DPH6: variants seen among roughly 807,000 people sequenced by gnomAD.
DPH6 encodes the protein diphthamine biosynthesis 6.
Under a neutral mutation model 38.2 loss-of-function variants are expected in DPH6, and 33 were observed. The ratio of observed to expected loss-of-function variants is 0.86; its 90% CI spans 0.65 to 1.15. The LOEUF (loss-of-function observed/expected upper bound fraction) is 1.15, where lower values mean the gene tolerates loss of function less well. Among genes scored for constraint, DPH6 ranks in the 50% most tolerant of loss-of-function variants. DPH6 has a pLI of 0.00. For missense variants in DPH6, 325 were observed against 320.0 expected, an observed-to-expected ratio of 1.02 and a Z score of -0.12; for synonymous variants, 108 against 103.0, an observed-to-expected ratio of 1.05 and a Z score of -0.30.
In DPH6 at chr15:35,221,530, T is replaced by A. The variant is rs181207890; in HGVS notation, n.201-948A>T. On this transcript the variant is annotated intron_variant and non_coding_transcript_variant, in intron 3 of 3. Coordinates refer to the DPH6 transcript ENST00000560386. ...CTCTGTGTCTGCAGAGTTATCACCA[T>A]GTGGACCATTATGGGTCTGTATGTT... Among the ~76,000 whole-genome samples the A allele has an allele frequency of 1.5e-3, 232 of 152,304 alleles. 1 individual carries two copies. The highest frequency in any genetic ancestry group is 2.6e-3 in the Non-Finnish European group (177 of 68,016).
intron 5 of DPH6, among the ~76,000 whole-genome samples, chr15:35,445,450 A>C (rs74008094): frequency 0.07 from 10,533 of 151,012 alleles, 633 homozygotes; most frequent in African/African-American, 0.16. Context: ...CTTGAACATC[A>C]TGAATATGAA....
chr15:35,250,239 A>T (rs1274636215), intron 3 of DPH6, among the ~76,000 whole-genome samples: 2 of 151,944 alleles, frequency 1.3e-5, no homozygotes, highest in Non-Finnish European at 2.9e-5. Flanking sequence ...ATTATATAAG[A>T]TATACCCTAA....
intron 3 of DPH6, among the ~76,000 whole-genome samples, chr15:35,285,011 T>G (rs2051931074): frequency 6.6e-6 from 1 of 151,830 alleles, no homozygotes; most frequent in Non-Finnish European, 1.5e-5. Context: ...GGTCTTGCTA[T>G]GTTACGCAGG....
chr15:35,380,140 T>C (rs1264843508), intron 7 of DPH6, among the ~76,000 whole-genome samples: 2 of 152,248 alleles, frequency 1.3e-5, no homozygotes, highest in African/African-American at 2.4e-5. Context: ...TCAGTTATTG[T>C]TGATTTGCCT....
At chr15:35,379,746 A>G (rs1171306278) in intron 7 of DPH6, among the ~76,000 whole-genome samples, 1 of 152,194 alleles carries the variant, frequency 6.6e-6, no homozygotes. Context: ...AACCTAACAA[A>G]TAAATACATA....
the DPH6 span, among the ~76,000 whole-genome samples, chr15:35,149,989 C>T: frequency 2.6e-5 from 4 of 152,122 alleles, no homozygotes; most frequent in Admixed American, 2.0e-4. Context: ...TATGCGATCC[C>T]GATGCTTGTT....
chr15:35,467,344 C>CA (rs2054139687), intron 3 of DPH6, among the ~76,000 whole-genome samples: 2 of 152,160 alleles, frequency 1.3e-5, no homozygotes, highest in South Asian at 2.1e-4. Flanking sequence ...GCAGGCAGAT[C>CA]ACTTGAGGTC....
chr15:35,222,707 G>A (rs546361083), intron 3 of DPH6, among the ~76,000 whole-genome samples: 14 of 152,158 alleles, frequency 9.2e-5, no homozygotes, highest in Non-Finnish European at 1.8e-4. Context: ...ATAGGGAAGA[G>A]GAAGCAATCA....
At chr15:35,440,636 G>A (rs745514287) in intron 5 of DPH6, among the ~76,000 whole-genome samples, 1 of 152,152 alleles carries the variant, frequency 6.6e-6, no homozygotes, top group Non-Finnish European at 1.5e-5. Context: ...CTTTAGAAGG[G>A]GGAATGATAG....
Position 35,244,611 on chromosome 15 carries a change from C to A in DPH6, n.201-24029G>T, listed in dbSNP as rs2051623517. 2.6e-5 allele frequency among the ~76,000 whole-genome samples: 4 copies of A among 152,196 alleles called. No homozygotes were observed. In the South Asian group the frequency reaches 8.3e-4, roughly 31 times the overall value. On this transcript the variant is annotated intron_variant and non_coding_transcript_variant, in intron 3 of 3. Coordinates refer to the DPH6 transcript ENST00000560386. ...ATGCTTATAAGGTGGTAAGGCAAGCCTATCTTAAGTAAAAGCAGTGATTAT... is the reference window on the plus strand; with the variant it reads ...ATGCTTATAAGGTGGTAAGGCAAGCATATCTTAAGTAAAAGCAGTGATTAT...
chr15:35,348,991 T>C (rs1203296066), intron 3 of DPH6, among the ~76,000 whole-genome samples: 1 of 152,234 alleles, frequency 6.6e-6, no homozygotes, highest in Non-Finnish European at 1.5e-5. Context: ...AATTTTTGTG[T>C]GTCAATTTTG....
the DPH6 span, among the ~76,000 whole-genome samples, chr15:35,170,700 A>T: frequency 1.3e-5 from 2 of 152,214 alleles, no homozygotes; most frequent in African/African-American, 2.4e-5. Context: ...CACTGCTTTA[A>T]ACTCTGCAAT....
chr15:35,385,365 C>A (rs1194270450), intron 6 of DPH6, among the ~76,000 whole-genome samples: 1 of 152,152 alleles, frequency 6.6e-6, no homozygotes, highest in Non-Finnish European at 1.5e-5. Flanking sequence ...TTGGAACCAA[C>A]CCAAATGCCC....
At chr15:35,407,384 A>G (rs2053308723) in intron 6 of DPH6, among the ~76,000 whole-genome samples, 1 of 152,002 alleles carries the variant, frequency 6.6e-6, no homozygotes, top group South Asian at 2.1e-4. Context: ...TCACCATAGC[A>G]TCTGTCACAT....
intron 3 of DPH6, among the ~76,000 whole-genome samples, chr15:35,503,394 G>A (rs551590022): frequency 1.3e-5 from 2 of 151,712 alleles, no homozygotes; most frequent in Non-Finnish European, 1.5e-5. Flanking sequence ...TCCCCTTTTC[G>A]TTGCTCTTAA....
At chr15:35,270,200 A>G (rs145808273) in intron 3 of DPH6, among the ~76,000 whole-genome samples, 73 of 152,348 alleles carry the variant, frequency 4.8e-4, no homozygotes, top group African/African-American at 1.5e-3. Context: ...AATGGTATCT[A>G]TTGGCACCAA....
intron 3 of DPH6, among the ~76,000 whole-genome samples, chr15:35,363,305 T>C (rs1396222043): frequency 6.6e-6 from 1 of 152,296 alleles, no homozygotes; most frequent in African/African-American, 2.4e-5. Flanking sequence ...TTACATATTT[T>C]AAGATGGTAA....
At chr15:35,358,676 A>AT (rs2052588939) in intron 3 of DPH6, among the ~76,000 whole-genome samples, 1 of 152,188 alleles carries the variant, frequency 6.6e-6, no homozygotes, top group Non-Finnish European at 1.5e-5. Context: ...CCACACAGCA[A>AT]GTCTACCTGG....
At chr15:35,543,769 C>T (rs905756142) in intron 1 of DPH6, among the ~76,000 whole-genome samples, 2 of 152,160 alleles carry the variant, frequency 1.3e-5, no homozygotes, top group African/African-American at 4.8e-5. Flanking sequence ...GTCCATTCTT[C>T]CTCTCTTCAG....
Sources: gnomAD v4.1 joint callset for allele counts (sites outside exome capture counted in the v4.1 genomes callset) on GRCh38, gnomAD v4.1.1 for gene constraint, MANE v1.5 for transcripts, NCBI Gene and HGNC (gene_info 2026-07-23, HGNC 2026-07-21) for gene names.